The following MACF1 variants were observed in gnomAD, a reference collection of about 807,000 sequenced individuals.
The protein encoded by MACF1 is microtubule actin crosslinking factor 1.
In MACF1, 193 loss-of-function variants were observed where a neutral mutation model predicts 854.8. The observed-to-expected ratio is 0.23, with a 90% confidence interval of 0.20 to 0.25. The LOEUF (loss-of-function observed/expected upper bound fraction) is 0.25, where lower values mean the gene tolerates loss of function less well. Ranked by LOEUF, MACF1 falls within the 10% of genes least tolerant of loss-of-function variation. The pLI, the probability that MACF1 is intolerant of heterozygous loss-of-function variation, is 1.00. For missense variants in MACF1, 7,722 were observed against 8,929.1 expected (o/e 0.86, Z 5.45); for synonymous variants, 3,185 against 3,226.7 (o/e 0.99, Z 0.44).
chr1:39,327,861 C>G (rs1646645701), intron 36 of MACF1, among the ~76,000 whole-genome samples: 1 of 152,202 alleles, frequency 6.6e-6, no homozygotes, highest in Admixed American at 6.5e-5. Flanking sequence ...CATGTGGCAT[C>G]TTGACCAGTT....
intron 52 of MACF1, among the ~76,000 whole-genome samples, chr1:39,374,225 G>A (rs767679179): frequency 2.0e-5 from 3 of 152,202 alleles, no homozygotes; most frequent in Non-Finnish European, 2.9e-5. Flanking sequence ...CTGTGCGACA[G>A]GGCGAGACTC....
At chr1:39,163,404 A>G (rs1415406106) in intron 2 of MACF1, among the ~76,000 whole-genome samples, 1 of 151,916 alleles carries the variant, frequency 6.6e-6, no homozygotes, top group East Asian at 1.9e-4. Context: ...TTTTATAGTC[A>G]TACCTAATTT....
chr1:39,430,874 A>T lies in MACF1; in HGVS notation c.17303A>T (p.Asp5768Val), dbSNP rs975426056. Reference sequence around the variant, plus strand: ...AGTGACACTATTGGACAAAGGGTGGATGAAATTGATGCTGCTATTCAGAGA... The same window carrying T: ...AGTGACACTATTGGACAAAGGGTGGTTGAAATTGATGCTGCTATTCAGAGA... ...LVSDTIGQRVDEIDAAIQRSQ... is the reference protein window; with the variant it reads ...LVSDTIGQRVVEIDAAIQRSQ... The change falls in exon 66 of 101, where the codon GAT (aspartate) becomes GTT (valine). Residue 5768 changes from aspartate to valine, a missense_variant. This residue lies in a region of MACF1 where 2,807 missense variants were observed against 3,235.8 expected (regional missense o/e 0.87). Transcript: ENST00000564288. The T allele has an allele frequency of 9.3e-6, 15 of 1,612,436 alleles. No homozygotes were observed. Among genetic ancestry groups the T allele is most frequent in the Non-Finnish European group, 1.2e-5 (14 of 1,180,002 alleles).
intron 61 of MACF1, 116 bp from the exon 62 acceptor site, chr1:39,427,339 T>C: frequency 1.2e-6 from 1 of 827,462 alleles, no homozygotes; most frequent in Non-Finnish European, 1.9e-6. Flanking sequence ...GTGTTCTGTT[T>C]ACTATTGGTA....
intron 2 of MACF1, among the ~76,000 whole-genome samples, chr1:39,164,192 C>G (rs965045304): frequency 5.3e-5 from 8 of 152,118 alleles, no homozygotes; most frequent in African/African-American, 1.9e-4. Flanking sequence ...AACGAACATC[C>G]TTGTAAATAA....
Position 39,465,333 on chromosome 1 carries a change from G to C in MACF1, c.21771+221G>C, listed in dbSNP as rs3754348. Among the ~76,000 whole-genome samples the C allele has an allele frequency of 7.0e-4, 107 of 152,276 alleles. 2 individuals carry two copies. The East Asian group carries it at 0.019, about 27-fold the overall frequency. ...TTTTTTATAAAGGAGATGAAATGGA[G>C]GAAAGTGAAGCTATGGTATCAGTCC... On this transcript the variant is annotated intron_variant, in intron 95 of 100. Transcript: ENST00000564288.
intron 26 of MACF1, among the ~76,000 whole-genome samples, chr1:39,313,578 C>T (rs1646346030): frequency 6.6e-6 from 1 of 151,296 alleles, no homozygotes; most frequent in African/African-American, 2.4e-5. Context: ...CCCTCCTTCC[C>T]TTGCTTTCTT....
chr1:39,311,044 C>G (rs962203725), intron 26 of MACF1, 44 bp downstream of exon 26: 3 of 1,580,356 alleles, frequency 1.9e-6, no homozygotes, highest in African/African-American at 1.4e-5. Context: ...GGAGTGAATG[C>G]TTTCAGAGTT....
chr1:39,357,954 G>A (rs1647733880), intron 45 of MACF1, 61 bp downstream of exon 45: 2 of 1,504,792 alleles, frequency 1.3e-6, no homozygotes, highest in African/African-American at 2.8e-5. Flanking sequence ...ACACAATGTA[G>A]GTAGTGTCTG....
intron 2 of MACF1, among the ~76,000 whole-genome samples, chr1:39,175,690 C>T (rs1245991662): frequency 6.6e-6 from 1 of 152,108 alleles, no homozygotes; most frequent in Non-Finnish European, 1.5e-5. Context: ...CAGTGGCTCA[C>T]ACCTATAATC....
At chr1:39,286,946 CATTTTTATTTTT>C (rs533535345) in intron 14 of MACF1, among the ~76,000 whole-genome samples, 145 of 152,132 alleles carry the variant, frequency 9.5e-4, no homozygotes, top group Admixed American at 2.7e-3. Context: ...TCTATGATCT[CATTTTTATTTTT>C]ATTTTTATTT....
Position 39,333,667 on chromosome 1 carries a change from T to G in MACF1, c.7079T>G (p.Leu2360Ter). Reference protein sequence around the residue: ...INEGLMDEKLLHNVLMADKAI... With the variant: ...INEGLMDEKL ...GAAGGTCTGATGGATGAGAAATTAT[T>G]ACATAATGTCCTCATGGCAGACAAA... The change falls in exon 37 of 101, where the codon TTA becomes TGA. Residue 2360 changes from leucine to a stop codon, truncating the protein, a stop_gained. Coordinates refer to ENST00000564288, the MANE Select transcript of MACF1 (RefSeq NM_001394062.1). LOFTEE classifies it high-confidence loss of function. 1.2e-6 allele frequency: 2 copies of G among 1,614,160 alleles called. No individual in the cohort carries two copies. Among genetic ancestry groups the G allele is most frequent in the Non-Finnish European group, 8.5e-7 (1 of 1,180,020 alleles).
At chr1:39,208,455 C>CT (rs1002371028) in intron 1 of MACF1, among the ~76,000 whole-genome samples, 156 of 149,010 alleles carry the variant, frequency 1.0e-3, no homozygotes, top group African/African-American at 2.9e-3. Context: ...AACAGGGACT[C>CT]TTTTTTTTTT....
At chr1:39,303,111 C>T (rs531992393) in intron 23 of MACF1, 33 bp downstream of exon 23, 4 of 1,606,054 alleles carry the variant, frequency 2.5e-6, no homozygotes, top group Admixed American at 3.4e-5. Context: ...GGTACACCCA[C>T]CTCTGCTGTT....
intron 2 of MACF1, among the ~76,000 whole-genome samples, chr1:39,181,527 C>T (rs1464586812): frequency 6.6e-6 from 1 of 152,140 alleles, no homozygotes; most frequent in South Asian, 2.1e-4. Flanking sequence ...TCTTCCTCCT[C>T]CTCCTCTTCT....
At chr1:39,267,289 T>A (rs1645244746) in intron 6 of MACF1, among the ~76,000 whole-genome samples, 1 of 152,154 alleles carries the variant, frequency 6.6e-6, no homozygotes, top group East Asian at 1.9e-4. Context: ...TGGAGTGCAG[T>A]GACATGATCT....
chr1:39,400,427 T>C (rs1642431449), intron 58 of MACF1, among the ~76,000 whole-genome samples: 1 of 152,208 alleles, frequency 6.6e-6, no homozygotes, highest in Non-Finnish European at 1.5e-5. Context: ...GATGATAATA[T>C]GCTTTTTTTT....
chr1:39,481,228 GC>G (rs1311357762), intron 99 of MACF1, among the ~76,000 whole-genome samples, 198 bp downstream of exon 99: 1 of 152,200 alleles, frequency 6.6e-6, no homozygotes, highest in Non-Finnish European at 1.5e-5. Flanking sequence ...AATAAGAGAT[GC>G]CTGAAACTAG....
intron 1 of MACF1, among the ~76,000 whole-genome samples, chr1:39,206,034 A>G (rs950642860): frequency 5.9e-5 from 9 of 152,148 alleles, no homozygotes; most frequent in African/African-American, 2.2e-4. Flanking sequence ...AGGTATGTAG[A>G]CACTTTTTAT....
Sources: gnomAD v4.1 joint callset for allele counts (sites outside exome capture counted in the v4.1 genomes callset) on GRCh38, gnomAD v4.1.1 for gene constraint, gnomAD v4.1.1 regional missense constraint, MANE v1.5 for transcripts, NCBI Gene and HGNC (gene_info 2026-07-23, HGNC 2026-07-21) for gene names.